C2CD3: variants seen among roughly 807,000 people sequenced by gnomAD.
The protein encoded by C2CD3 is C2 domain containing 3 centriole elongation regulator, also known as C2 domain-containing protein 3.
Under a neutral mutation model 234.0 loss-of-function variants are expected in C2CD3, and 148 were observed. That is an observed-to-expected ratio of 0.63 (90% CI 0.55 to 0.72). The LOEUF (loss-of-function observed/expected upper bound fraction) is 0.72, where lower values mean the gene tolerates loss of function less well. Ranked by LOEUF, C2CD3 falls within the 30% of genes least tolerant of loss-of-function variation. C2CD3 has a pLI of 0.00. For missense variants in C2CD3, 2,577 were observed against 2,811.5 expected (o/e 0.92, Z 1.89); for synonymous variants, 1,000 against 1,035.4 (o/e 0.97, Z 0.66).
At chr11:74,080,483 C>G (rs1240906644) in intron 22 of C2CD3, among the ~76,000 whole-genome samples, 1 of 152,038 alleles carries the variant, frequency 6.6e-6, no homozygotes, top group Admixed American at 6.5e-5. Context: ...TATTATGCCC[C>G]CCAAAATAAA....
intron 13 of C2CD3, among the ~76,000 whole-genome samples, chr11:74,104,005 T>A (rs1224702618): frequency 1.3e-5 from 2 of 152,170 alleles, no homozygotes; most frequent in East Asian, 3.8e-4. Flanking sequence ...TAAGAATCCA[T>A]GAATCCATCC....
At chr11:74,041,833 A>G (rs1002855410) in intron 29 of C2CD3, among the ~76,000 whole-genome samples, 1 of 152,202 alleles carries the variant, frequency 6.6e-6, no homozygotes, top group Non-Finnish European at 1.5e-5. Context: ...TCAGTAACAG[A>G]GCCCCCTGAA....
In C2CD3 at chr11:74,118,364, T is replaced by C; in HGVS notation, c.1384A>G (p.Ser462Gly). The change falls in exon 9 of 33, where the codon AGT becomes GGT. Residue 462 changes from serine (S) to glycine (G), a missense_variant. Transcript: ENST00000334126. The stretch of plus-strand genomic sequence containing the variant: ...TCATCCTCTTCACTGAGGAAATCAC[T>C]GATGCTGGTATCAGATTTCTATGGA... Reference protein sequence around the residue: ...YTAPKSDTSISDFLSEEDDIV... With the variant: ...YTAPKSDTSIGDFLSEEDDIV... 6.2e-7 allele frequency: 1 copy of C among 1,613,042 alleles called. No individual in the cohort carries two copies. Among genetic ancestry groups the C allele is most frequent in the Non-Finnish European group, 8.5e-7 (1 of 1,179,126 alleles).
At position 74,092,539 on chromosome 11, in the gene C2CD3, G is replaced by A. The variant is rs1230599879; in HGVS notation, c.3394C>T (p.Pro1132Ser). ...RDQKVAKGTL[P>S]LSRICAMVTT... ...ACCATAGCACAGATCCTTGATAATG[G>A]CAAGGTTCCTTTGGCGACCTTCTGG... Residue 1132 changes from proline to serine, a missense_variant, in exon 19 of 33, where the codon CCA (proline) becomes TCA (serine). By Grantham distance (74) the Pro-to-Ser change is moderately conservative (BLOSUM62 -1). Coordinates refer to ENST00000334126, the MANE Select transcript of C2CD3 (RefSeq NM_001286577.2). 1 of 1,613,622 alleles carries A rather than the reference G, an allele frequency of 6.2e-7. No individual in the cohort carries two copies. The highest frequency in any genetic ancestry group is 1.3e-5 in the African/African-American group (1 of 74,854).
chr11:74,073,108 T>C (rs1201096774), intron 24 of C2CD3, among the ~76,000 whole-genome samples: 3 of 149,712 alleles, frequency 2.0e-5, no homozygotes, highest in East Asian at 3.8e-4. Flanking sequence ...CTTTGTGCCA[T>C]GGACTCTGGC....
chr11:74,132,935 T>G lies in C2CD3; in HGVS notation c.1126A>C (p.Ile376Leu), dbSNP rs1218545573. The G allele has an allele frequency of 6.2e-7, 1 of 1,613,328 alleles. No individual in the cohort carries two copies. Among genetic ancestry groups the G allele is most frequent in the South Asian group, 1.1e-5 (1 of 91,064 alleles). ...GTTGAAGGGAGGAGGTGATCTTCAA[T>G]GTGGTCTTTAAACCGATTCCTAGAA... ...AFSRNRFKDH[I>L]EDHLLPSTEN... The change falls in exon 7 of 33, where the codon ATT (isoleucine) becomes CTT (leucine). Residue 376 changes from isoleucine to leucine, a missense_variant. Physicochemically the swap from Ile to Leu is conservative, Grantham distance 5. Coordinates refer to ENST00000334126, the MANE Select transcript of C2CD3 (RefSeq NM_001286577.2).
chr11:74,024,303 T>C (rs1008861472), intron 32 of C2CD3, among the ~76,000 whole-genome samples: 2 of 152,116 alleles, frequency 1.3e-5, no homozygotes, highest in African/African-American at 4.8e-5. Flanking sequence ...CTATATCCAG[T>C]AGAAAAAAAA....
chr11:74,136,195 T>C (rs1957857118), intron 5 of C2CD3, among the ~76,000 whole-genome samples: 1 of 152,074 alleles, frequency 6.6e-6, no homozygotes. Context: ...CATCAGAAGG[T>C]TATCCAGCCC....
intron 1 of C2CD3, among the ~76,000 whole-genome samples, chr11:74,169,921 T>C (rs1470261005): frequency 1.3e-5 from 2 of 152,170 alleles, no homozygotes; most frequent in African/African-American, 4.8e-5. Context: ...CAATACTTCT[T>C]TTCTCGCTAA....
chr11:74,057,725 C>T (rs539410820), intron 24 of C2CD3, among the ~76,000 whole-genome samples, 181 bp from the exon 25 acceptor site: 2 of 152,048 alleles, frequency 1.3e-5, no homozygotes, highest in South Asian at 2.1e-4. Context: ...AATCCCAGCA[C>T]GTTGGGAGAC....
At chr11:74,070,127 T>C (rs1011909673) in intron 24 of C2CD3, among the ~76,000 whole-genome samples, 2 of 152,250 alleles carry the variant, frequency 1.3e-5, no homozygotes, top group Non-Finnish European at 2.9e-5. Context: ...TTGTCTCATT[T>C]GTAAAACAGG....
In C2CD3 at chr11:74,168,596, G is replaced by A. The variant is rs1489667225; in HGVS notation, c.73C>T (p.Pro25Ser). Residue 25 changes from proline to serine, a missense_variant, in exon 2 of 33, where the codon CCA becomes TCA. Physicochemically the swap from Pro to Ser is moderately conservative, Grantham distance 74 (BLOSUM62 -1). Transcript: ENST00000334126. ...ACCAGAGGTGGCAGGCTTGTAGATG[G>A]AGAAATGTCACTTAAACCTGTAGAG... ...RKKRGLSDISPSTSLPPLVEG... is the reference protein window; with the variant it reads ...RKKRGLSDISSSTSLPPLVEG... The A allele has an allele frequency of 1.2e-6, 2 of 1,614,050 alleles. No homozygotes were observed. Among genetic ancestry groups the A allele is most frequent in the East Asian group, 4.5e-5 (2 of 44,882 alleles).
chr11:74,023,190 G>A (rs941491045), intron 32 of C2CD3, among the ~76,000 whole-genome samples: 2 of 152,170 alleles, frequency 1.3e-5, no homozygotes, highest in African/African-American at 4.8e-5. Context: ...TCTTGTCTTC[G>A]ATCATGTGGG....
rs542000869 is a variant in C2CD3, at chr11:74,078,012, C to A, written c.4603+103G>T. Reference sequence around the variant, plus strand: ...GTATAATACCTATCTCACAGGATTGCTGGGAGGGTCAAGTAAAGTAATGTC... The same window carrying A: ...GTATAATACCTATCTCACAGGATTGATGGGAGGGTCAAGTAAAGTAATGTC... On this transcript the variant is annotated intron_variant, in intron 23 of 32. Transcript: ENST00000334126. 2.9e-6 allele frequency: 4 copies of A among 1,375,906 alleles called. No homozygotes were observed. In the East Asian group the frequency reaches 9.2e-5, roughly 32 times the overall value. 85.2% of individuals were successfully genotyped at this position (1,375,906 alleles called of 1,614,324 possible).
intron 13 of C2CD3, among the ~76,000 whole-genome samples, chr11:74,105,064 A>G (rs1384267279): frequency 6.6e-6 from 1 of 152,214 alleles, no homozygotes; most frequent in African/African-American, 2.4e-5. Context: ...TTCAAGAAGA[A>G]AAGGCAGTAT....
At chr11:74,144,840 C>T (rs527856991) in intron 3 of C2CD3, among the ~76,000 whole-genome samples, 22 of 152,184 alleles carry the variant, frequency 1.4e-4, no homozygotes, top group Non-Finnish European at 2.5e-4. Context: ...ATTTTCTTAA[C>T]GGTCTACCAT....
At chr11:74,145,158 C>T (rs946482328) in intron 3 of C2CD3, among the ~76,000 whole-genome samples, 22 of 152,154 alleles carry the variant, frequency 1.4e-4, no homozygotes, top group African/African-American at 3.1e-4. Flanking sequence ...CTTTCCAGAA[C>T]GGTTGAACTG....
chr11:74,025,803 C>G (rs1392987119), intron 32 of C2CD3, among the ~76,000 whole-genome samples: 1 of 152,082 alleles, frequency 6.6e-6, no homozygotes, highest in African/African-American at 2.4e-5. Context: ...GAATTATTAG[C>G]CTGACATTAC....
chr11:74,162,399 C>A (rs1190069061), intron 2 of C2CD3, among the ~76,000 whole-genome samples: 2 of 152,018 alleles, frequency 1.3e-5, no homozygotes, highest in Non-Finnish European at 2.9e-5. Flanking sequence ...TGTAAAGATA[C>A]ACAAGAGACT....
Sources: allele counts gnomAD v4.1 joint callset (sites outside exome capture counted in the v4.1 genomes callset), GRCh38; gene constraint gnomAD v4.1.1; transcripts MANE v1.5; gene names NCBI Gene and HGNC (gene_info 2026-07-23, HGNC 2026-07-21).